Variants in COL5A1 observed in about 807,000 individuals in gnomAD.
COL5A1 encodes collagen type V alpha 1 chain.
COL5A1 carries 16 observed loss-of-function variants against 263.7 expected under a neutral mutation model. The ratio of observed to expected loss-of-function variants is 0.06; its 90% CI spans 0.04 to 0.09. The LOEUF (loss-of-function observed/expected upper bound fraction) is 0.09, where lower values mean the gene tolerates loss of function less well. Among genes scored for constraint, COL5A1 ranks in the 10% least tolerant of loss-of-function variants. COL5A1 has a pLI of 1.00. For synonymous variants in COL5A1, 1,012 were observed against 1,004.5 expected (o/e 1.01, Z -0.14); for missense variants, 2,036 against 2,540.5 (o/e 0.80, Z 4.27).
chr9:134,684,979 TCATC>T (rs1480544529), intron 1 of COL5A1, among the ~76,000 whole-genome samples: 8 of 128,482 alleles, frequency 6.2e-5, no homozygotes, highest in South Asian at 5.4e-4. Flanking sequence ...ATCCATTAAT[TCATC>T]CATCCATCCA....
intron 1 of COL5A1, among the ~76,000 whole-genome samples, chr9:134,646,154 G>A (rs568708641): frequency 1.3e-5 from 2 of 152,238 alleles, no homozygotes; most frequent in Admixed American, 1.3e-4. Flanking sequence ...TTTTCACCTG[G>A]GTCGGGCCTA....
At chr9:134,796,350 T>C (rs776322747) in intron 34 of COL5A1, 24 bp from the exon 35 acceptor site, 2 of 1,612,640 alleles carry the variant, frequency 1.2e-6, no homozygotes, top group African/African-American at 1.3e-5. Flanking sequence ...CATAAGCTTT[T>C]CCCCCCTCTC....
At chr9:134,836,831 C>A (rs1004705603) in intron 65 of COL5A1, among the ~76,000 whole-genome samples, 2 of 152,378 alleles carry the variant, frequency 1.3e-5, no homozygotes, top group African/African-American at 4.8e-5. Flanking sequence ...GGGGGCCGCC[C>A]TCACCAGGAG....
At chr9:134,782,845 A>T in intron 29 of COL5A1, 125 bp downstream of exon 29, 1 of 961,832 alleles carries the variant, frequency 1.0e-6, no homozygotes, top group Non-Finnish European at 1.7e-6. Context: ...CTTGGTAGAG[A>T]TTCCTGGTGG....
intron 31 of COL5A1, among the ~76,000 whole-genome samples, chr9:134,786,695 A>C (rs1262242811): frequency 6.7e-6 from 1 of 148,590 alleles, no homozygotes; most frequent in African/African-American, 2.5e-5. Flanking sequence ...AAATCATTGA[A>C]AATGTTATTT....
chr9:134,700,208 A>T lies in COL5A1; in HGVS notation c.491+86A>T. The T allele has an allele frequency of 7.7e-7, 1 of 1,305,456 alleles. No individual in the cohort carries two copies. Among genetic ancestry groups the T allele is most frequent in the Non-Finnish European group, 1.1e-6 (1 of 930,938 alleles). The allele number at this position is 1,305,456 out of a possible 1,614,324, so 80.9% of individuals were successfully genotyped here. Reference sequence around the variant, plus strand: ...CCACTGACCAGATGTGGGGCACAGTAGAGGACGTGCAGCAGCCGGTACTGA... The same window carrying T: ...CCACTGACCAGATGTGGGGCACAGTTGAGGACGTGCAGCAGCCGGTACTGA... On this transcript the variant is annotated intron_variant, in intron 3 of 65. Transcript: ENST00000371817. The surrounding 1 kb of genome is among the most constrained non-coding windows in gnomAD (Gnocchi z 4.0).
At chr9:134,787,485 A>G (rs899417817) in intron 31 of COL5A1, among the ~76,000 whole-genome samples, 2 of 152,244 alleles carry the variant, frequency 1.3e-5, no homozygotes, top group Non-Finnish European at 2.9e-5. Context: ...AAGCCAGACA[A>G]ATAGAGACCT....
chr9:134,664,724 G>A (rs570048117), intron 1 of COL5A1, among the ~76,000 whole-genome samples: 72 of 152,314 alleles, frequency 4.7e-4, no homozygotes, highest in African/African-American at 1.5e-3. Flanking sequence ...TTCCCATGGT[G>A]CCTTCTCTGA....
intron 9 of COL5A1, among the ~76,000 whole-genome samples, chr9:134,735,156 T>C (rs1835051702): frequency 6.6e-6 from 1 of 150,396 alleles, no homozygotes. Flanking sequence ...GAGGTTGCAG[T>C]GAGCCAAGAT....
chr9:134,840,029 C>T (rs1839971475), intron 65 of COL5A1, among the ~76,000 whole-genome samples: 1 of 152,278 alleles, frequency 6.6e-6, no homozygotes, highest in African/African-American at 2.4e-5. Flanking sequence ...GGGGGTGCCC[C>T]ATGGCGAGGT....
At chr9:134,651,269 G>A (rs1455837403) in intron 1 of COL5A1, among the ~76,000 whole-genome samples, 1 of 152,190 alleles carries the variant, frequency 6.6e-6, no homozygotes, top group East Asian at 1.9e-4. Context: ...AAACAGTGTG[G>A]CGATTCCTCC....
chr9:134,731,224 G>A (rs1218730298), intron 7 of COL5A1, among the ~76,000 whole-genome samples: 3 of 152,204 alleles, frequency 2.0e-5, no homozygotes, highest in African/African-American at 7.2e-5. Flanking sequence ...GGGGCTGTGG[G>A]GTGCAGCCCC....
chr9:134,784,615 C>G (rs1837383073), intron 29 of COL5A1, among the ~76,000 whole-genome samples: 1 of 152,254 alleles, frequency 6.6e-6, no homozygotes. Flanking sequence ...CCCAGTCACT[C>G]TGCTCTATTT....
intron 25 of COL5A1, among the ~76,000 whole-genome samples, chr9:134,770,530 A>G (rs1564448139): frequency 6.6e-6 from 1 of 152,240 alleles, no homozygotes; most frequent in Non-Finnish European, 1.5e-5. Flanking sequence ...ACAATGTAAT[A>G]TTAAATTAAA....
chr9:134,648,889 G>A (rs1831567629), intron 1 of COL5A1, among the ~76,000 whole-genome samples: 1 of 152,214 alleles, frequency 6.6e-6, no homozygotes, highest in Non-Finnish European at 1.5e-5. Context: ...CGCGGGCCAG[G>A]CCAAGTTCAG....
At chr9:134,667,088 A>G (rs1433042980) in intron 1 of COL5A1, among the ~76,000 whole-genome samples, 1 of 152,208 alleles carries the variant, frequency 6.6e-6, no homozygotes, top group East Asian at 1.9e-4. Flanking sequence ...AAAGAGGAAC[A>G]TGAAGGAAAT....
chr9:134,713,990 C>T (rs1834157531), intron 4 of COL5A1, among the ~76,000 whole-genome samples: 1 of 152,216 alleles, frequency 6.6e-6, no homozygotes, highest in Admixed American at 6.5e-5. Context: ...GAGCAACCTT[C>T]TCCGTGACGC....
intron 31 of COL5A1, among the ~76,000 whole-genome samples, chr9:134,787,883 G>C (rs1276429782): frequency 6.6e-6 from 1 of 152,230 alleles, no homozygotes; most frequent in Non-Finnish European, 1.5e-5. Flanking sequence ...ATGGTGGCAG[G>C]GGAGGGAGCA....
In COL5A1 at chr9:134,767,412, C is replaced by T. The variant is rs1419236598; in HGVS notation, c.2232+58C>T. The T allele has an allele frequency of 1.4e-5, 21 of 1,526,818 alleles. No homozygotes were observed. The Admixed American group carries it at 1.7e-4, about 12-fold the overall frequency. 94.6% of individuals were successfully genotyped at this position (1,526,818 alleles called of 1,614,324 possible). A position where few individuals can be genotyped will look rare whatever the true frequency, so the allele number is the denominator to read the frequency against. On this transcript the variant is annotated intron_variant, in intron 24 of 65. Coordinates refer to ENST00000371817, the MANE Select transcript of COL5A1 (RefSeq NM_000093.5). ...GCCCGCCTGCAGGTGGATTCCCTGG[C>T]CCCACCCTGGGAGGACCCCTGGTAT...
Sources: allele counts gnomAD v4.1 joint callset (sites outside exome capture counted in the v4.1 genomes callset), GRCh38; gene constraint gnomAD v4.1.1; non-coding constraint Gnocchi (gnomAD v3.1); transcripts MANE v1.5; gene names NCBI Gene and HGNC (gene_info 2026-07-23, HGNC 2026-07-21).